Variants in AVPI1 observed in about 807,000 individuals in gnomAD.
The protein encoded by AVPI1 is arginine vasopressin induced 1.
A neutral mutation model predicts 11.9 loss-of-function variants in AVPI1; 9 were observed. The ratio of observed to expected loss-of-function variants is 0.76; its 90% CI spans 0.46 to 1.32. The LOEUF (loss-of-function observed/expected upper bound fraction) is 1.32. Among genes scored for constraint, AVPI1 ranks in the 40% most tolerant of loss-of-function variants. The pLI, the probability that AVPI1 is intolerant of heterozygous loss-of-function variation, is 0.00. For synonymous variants in AVPI1, 68 were observed against 78.1 expected, an observed-to-expected ratio of 0.87 and a Z score of 0.68; for missense variants, 207 against 195.8, an observed-to-expected ratio of 1.06 and a Z score of -0.34.
Position 97,678,951 on chromosome 10 carries a change from G to GACAGGA in AVPI1, c.287+667_287+668insTCCTGT, listed in dbSNP as rs1564779906. 1.1e-3 allele frequency among the ~76,000 whole-genome samples: 44 copies of GACAGGA among 40,112 alleles called. 5 individuals carry two copies. In the East Asian group the frequency reaches 0.016, roughly 15 times the overall value. The allele number at this position is 40,112 out of a possible 152,430, so 26.3% of individuals were successfully genotyped here. On this transcript the variant is annotated intron_variant, in intron 2 of 2. Coordinates refer to ENST00000370626, the MANE Select transcript of AVPI1 (RefSeq NM_021732.3). ...TGTGTGTGTGTGTGTGTGTGTGTGTGTGTGTGTGTGTGTGTGTGTGTGTGT... is the reference window on the plus strand; with the variant it reads ...TGTGTGTGTGTGTGTGTGTGTGTGTGACAGGATGTGTGTGTGTGTGTGTGTGTGTGT...
Position 97,677,773 on chromosome 10 carries a change from C to T in AVPI1, c.*96G>A, listed in dbSNP as rs1017644036. 4.1e-6 allele frequency: 6 copies of T among 1,456,878 alleles called. No individual in the cohort carries two copies. The South Asian group carries it at 7.8e-5, about 19-fold the overall frequency. 90.2% of individuals were successfully genotyped at this position (1,456,878 alleles called of 1,614,324 possible). ...GGCAGCAGCCTCTTGCTTTCATTTA[C>T]CCCTTTGGGCTGCTTGCCTAAAGTC... is the stretch of plus-strand genomic sequence containing the variant. On this transcript the variant is annotated 3_prime_UTR_variant, in exon 3 of 3. Transcript: ENST00000370626.
At position 97,677,928 on chromosome 10, in the gene AVPI1, T is replaced by C. The variant is rs753659845; in HGVS notation, c.385A>G (p.Ile129Val). Reference protein sequence around the residue: ...YLHSRKKSARIRRNWRKSGPT... With the variant: ...YLHSRKKSARVRRNWRKSGPT... ...CCTGACTTCCTCCAGTTCCGGCGGA[T>C]CCTGGCACTTTTCTTCCTAGAGTGC... The change falls in exon 3 of 3, where the codon ATC becomes GTC. Residue 129 changes from isoleucine to valine, a missense_variant. By Grantham distance (29) the Ile-to-Val change is conservative. Coordinates refer to ENST00000370626, the MANE Select transcript of AVPI1 (RefSeq NM_021732.3). 2.7e-5 allele frequency: 43 copies of C among 1,614,076 alleles called. No homozygotes were observed. In the South Asian group the frequency reaches 4.6e-4, roughly 17 times the overall value.
chr10:97,686,170 C>T (rs924017398), intron 1 of AVPI1, among the ~76,000 whole-genome samples: 3 of 152,114 alleles, frequency 2.0e-5, no homozygotes, highest in African/African-American at 4.8e-5. Context: ...TAACTCTTAA[C>T]AGGAAAAGGG....
chr10:97,679,582 G>T, intron 2 of AVPI1, 37 bp downstream of exon 2: 1 of 1,569,208 alleles, frequency 6.4e-7, no homozygotes, highest in South Asian at 1.2e-5. Flanking sequence ...ACAGGCATTA[G>T]TGCTCTTCCC....
intron 1 of AVPI1, among the ~76,000 whole-genome samples, chr10:97,685,893 C>G (rs1054394410): frequency 2.0e-5 from 3 of 152,114 alleles, no homozygotes; most frequent in African/African-American, 7.2e-5. Flanking sequence ...AGGGATAACC[C>G]TTTCAAGATT....
chr10:97,682,865 C>T (rs1174198543), intron 1 of AVPI1, among the ~76,000 whole-genome samples: 1 of 152,110 alleles, frequency 6.6e-6, no homozygotes, highest in Non-Finnish European at 1.5e-5. Flanking sequence ...CAGTTAAAAC[C>T]TAATCTATAT....
In AVPI1 at chr10:97,678,929, GT is replaced by G. The variant is rs2041684245; in HGVS notation, c.287+689del. 6.3e-5 allele frequency among the ~76,000 whole-genome samples: 2 copies of G among 31,668 alleles called. 1 individual carries two copies. Among genetic ancestry groups the G allele is most frequent in the African/African-American group, 2.6e-4 (2 of 7,816 alleles). The allele number at this position is 31,668 out of a possible 152,430, so 20.8% of individuals were successfully genotyped here. On this transcript the variant is annotated intron_variant, in intron 2 of 2. Coordinates refer to ENST00000370626, the MANE Select transcript of AVPI1 (RefSeq NM_021732.3). Reference sequence around the variant, plus strand: ...TGTGTGTGTGTGTGTGTGTGTGTGTGTGTGTGTGTGTGTGTGTGTGTGTGTG... The same window carrying G: ...TGTGTGTGTGTGTGTGTGTGTGTGTGGTGTGTGTGTGTGTGTGTGTGTGTG...
rs2041704103 is a variant in AVPI1, at chr10:97,681,594, T to C, written c.-10-1679A>G. 2.7e-5 allele frequency among the ~76,000 whole-genome samples: 4 copies of C among 150,392 alleles called. No homozygotes were observed. The South Asian group carries it at 8.4e-4, about 32-fold the overall frequency. On this transcript the variant is annotated intron_variant, in intron 1 of 2. Transcript: ENST00000370626. ...CAAAACTCCGTCTTAAAAAAAAGAA[T>C]ACGGCCGGGCGCGGTGGCTCACGCC... is the stretch of plus-strand genomic sequence containing the variant.
rs1291586608 is a variant in AVPI1 at position 97,677,947 on chromosome 10, A to G, written c.366T>C (p.Ser122=). 6.2e-7 allele frequency: 1 copy of G among 1,614,002 alleles called. No individual in the cohort carries two copies. The highest frequency in any genetic ancestry group is 1.1e-5 in the South Asian group (1 of 91,074). The change falls in exon 3 of 3, where the codon TCT becomes TCC. Residue 122 remains serine, a synonymous_variant. Coordinates refer to ENST00000370626, the MANE Select transcript of AVPI1 (RefSeq NM_021732.3). ...GGCGGATCCTGGCACTTTTCTTCCT[A>G]GAGTGCAGATACTGCTCACTGGAGG... ...ETASSEQYLH[S]RKKSARIRRN...
At chr10:97,679,582 G>A (rs746174840) in intron 2 of AVPI1, 37 bp downstream of exon 2, 129 of 1,569,090 alleles carry the variant, frequency 8.2e-5, no homozygotes, top group Non-Finnish European at 1.1e-4. Flanking sequence ...ACAGGCATTA[G>A]TGCTCTTCCC....
intron 1 of AVPI1, among the ~76,000 whole-genome samples, chr10:97,684,855 G>T (rs1212229167): frequency 6.6e-6 from 1 of 152,156 alleles, no homozygotes; most frequent in Non-Finnish European, 1.5e-5. Context: ...GCAGAGTGAG[G>T]CTGGGAATAA....
At chr10:97,684,497 CTTTTTTTTT>C (rs5787253) in intron 1 of AVPI1, among the ~76,000 whole-genome samples, 1 of 117,568 alleles carries the variant, frequency 8.5e-6, no homozygotes, top group Non-Finnish European at 1.7e-5. Context: ...TCTTTTTACT[CTTTTTTTTT>C]TTTTTTTTTG....
chr10:97,679,040 AG>A (rs1370354361), intron 2 of AVPI1, among the ~76,000 whole-genome samples: 1 of 140,788 alleles, frequency 7.1e-6, no homozygotes, highest in Non-Finnish European at 1.6e-5. Flanking sequence ...CAGGCTGGTA[AG>A]CTGAGAATAA....
chr10:97,685,758 T>C (rs1264009510), intron 1 of AVPI1, among the ~76,000 whole-genome samples: 1 of 152,072 alleles, frequency 6.6e-6, no homozygotes, highest in African/African-American at 2.4e-5. Flanking sequence ...CTCAGGGAGG[T>C]ATGCCGAGAC....
At chr10:97,679,472 G>T (rs926818245) in intron 2 of AVPI1, 147 bp downstream of exon 2, 1 of 991,502 alleles carries the variant, frequency 1.0e-6, no homozygotes, top group Non-Finnish European at 1.4e-6. Context: ...CAACCAAGTG[G>T]TGACACTGTG....
intron 1 of AVPI1, among the ~76,000 whole-genome samples, chr10:97,681,775 G>A (rs371305254): frequency 0.027 from 4,078 of 149,770 alleles, 173 homozygotes; most frequent in East Asian, 0.15. Context: ...CTACTCGGGA[G>A]GCTGAGGCAG....
chr10:97,684,661 G>C (rs891558504), intron 1 of AVPI1, among the ~76,000 whole-genome samples: 4 of 151,564 alleles, frequency 2.6e-5, no homozygotes, highest in Admixed American at 2.6e-4. Context: ...CCACACGCCC[G>C]ACTAATTTTT....
chr10:97,681,443 G>A lies in AVPI1; in HGVS notation c.-10-1528C>T, dbSNP rs571037914. On this transcript the variant is annotated intron_variant, in intron 1 of 2. Transcript: ENST00000370626. ...ACTAAAAATACAAAAGTAGCCGGGC[G>A]TGGTGGCGCATGCCTGTAATCCCAG... 3.9e-5 allele frequency among the ~76,000 whole-genome samples: 6 copies of A among 152,198 alleles called. No homozygotes were observed. The South Asian group carries it at 1.0e-3, about 26-fold the overall frequency.
intron 1 of AVPI1, among the ~76,000 whole-genome samples, chr10:97,684,218 T>C (rs10444068): frequency 0.049 from 7,505 of 152,084 alleles, 277 homozygotes; most frequent in Non-Finnish European, 0.08. Context: ...TCTGGGGTAG[T>C]AGGAGAAAGG....
Sources: allele counts gnomAD v4.1 joint callset (sites outside exome capture counted in the v4.1 genomes callset), GRCh38; gene constraint gnomAD v4.1.1; transcripts MANE v1.5; gene names NCBI Gene and HGNC (gene_info 2026-07-23, HGNC 2026-07-21).